Variants in RBFOX1 observed in about 807,000 individuals in gnomAD.
RBFOX1 encodes RNA binding protein fox-1 homolog 1.
RBFOX1 carries 8 observed loss-of-function variants against 57.7 expected under a neutral mutation model. That is an observed-to-expected ratio of 0.14 (90% CI 0.08 to 0.25). The LOEUF (loss-of-function observed/expected upper bound fraction) is 0.25. Ranked by LOEUF, RBFOX1 falls within the 10% of genes least tolerant of loss-of-function variation. The probability of loss-of-function intolerance (pLI) is 1.00; values close to 1 mark genes in which losing one functional copy is unlikely to be tolerated. For missense variants in RBFOX1, 611 were observed against 548.5 expected (o/e 1.11, Z -1.14); for synonymous variants, 326 against 222.4 (o/e 1.47, Z -4.15).
chr16:6,250,469 G>A (rs78542845), intron 1 of RBFOX1, among the ~76,000 whole-genome samples: 1 of 152,130 alleles, frequency 6.6e-6, no homozygotes, highest in Non-Finnish European at 1.5e-5. Context: ...TATGGACCTT[G>A]GGCAGAGCAC....
intron 2 of RBFOX1, among the ~76,000 whole-genome samples, chr16:5,593,063 A>G (rs1055859934): frequency 6.6e-6 from 1 of 152,172 alleles, no homozygotes; most frequent in Non-Finnish European, 1.5e-5. Context: ...CTTGCTTATA[A>G]AACAATAGCA....
chr16:5,525,576 C>T (rs1285564768), intron 2 of RBFOX1, among the ~76,000 whole-genome samples: 2 of 144,666 alleles, frequency 1.4e-5, no homozygotes, highest in African/African-American at 5.2e-5. Flanking sequence ...CAGCTCACTG[C>T]ATTCTCCACC....
At chr16:5,990,458 T>C (rs1229583517) in intron 4 of RBFOX1, among the ~76,000 whole-genome samples, 7 of 152,252 alleles carry the variant, frequency 4.6e-5, no homozygotes, top group Non-Finnish European at 1.0e-4. Flanking sequence ...CCAGCCTCTA[T>C]ACTTAATACC....
chr16:7,351,009 T>G (rs1446140312), intron 4 of RBFOX1, among the ~76,000 whole-genome samples: 1 of 152,232 alleles, frequency 6.6e-6, no homozygotes, highest in African/African-American at 2.4e-5. Flanking sequence ...AAGCAACATA[T>G]GGTGTGCCAT....
At chr16:5,535,709 G>T (rs868375720) in intron 2 of RBFOX1, among the ~76,000 whole-genome samples, 2 of 152,116 alleles carry the variant, frequency 1.3e-5, no homozygotes, top group Admixed American at 6.5e-5. Flanking sequence ...CTTTCATTTT[G>T]TATTTTCTGT....
chr16:6,668,867 A>G (rs2098748135), intron 3 of RBFOX1, among the ~76,000 whole-genome samples: 1 of 152,210 alleles, frequency 6.6e-6, no homozygotes, highest in African/African-American at 2.4e-5. Context: ...TCTGAATTAA[A>G]ATGCATTTAG....
chr16:6,711,273 G>A (rs757955583), intron 3 of RBFOX1, among the ~76,000 whole-genome samples: 1 of 151,994 alleles, frequency 6.6e-6, no homozygotes, highest in Non-Finnish European at 1.5e-5. Flanking sequence ...GTCTCCACAC[G>A]CCCCTCCCCC....
At chr16:7,612,967 C>T (rs1031609635) in intron 10 of RBFOX1, among the ~76,000 whole-genome samples, 1 of 152,134 alleles carries the variant, frequency 6.6e-6, no homozygotes, top group Non-Finnish European at 1.5e-5. Flanking sequence ...GGATGGAGAG[C>T]ACCCCGCCTG....
chr16:5,675,702 C>T (rs1357182425), intron 3 of RBFOX1, among the ~76,000 whole-genome samples: 1 of 152,280 alleles, frequency 6.6e-6, no homozygotes, highest in Non-Finnish European at 1.5e-5. Context: ...TGCTGGAGCC[C>T]ATCTGTCAGG....
At chr16:6,563,049 A>G (rs139459582) in intron 2 of RBFOX1, among the ~76,000 whole-genome samples, 28 of 152,076 alleles carry the variant, frequency 1.8e-4, no homozygotes, top group African/African-American at 6.5e-4. Context: ...TTAGACTCAG[A>G]TGCTGCAGGG....
intron 2 of RBFOX1, among the ~76,000 whole-genome samples, chr16:6,454,463 G>C (rs908592946): frequency 6.6e-6 from 1 of 152,076 alleles, no homozygotes. Flanking sequence ...AGGCTGAGGA[G>C]GGAGGATCAC....
At chr16:6,818,902 A>G (rs540604211) in intron 3 of RBFOX1, among the ~76,000 whole-genome samples, 18 of 152,152 alleles carry the variant, frequency 1.2e-4, no homozygotes, top group African/African-American at 4.3e-4. Context: ...AAGAGACTCG[A>G]TTTCCTCTGG....
At chr16:5,806,843 G>A (rs1035218152) in intron 3 of RBFOX1, among the ~76,000 whole-genome samples, 1 of 152,198 alleles carries the variant, frequency 6.6e-6, no homozygotes, top group African/African-American at 2.4e-5. Flanking sequence ...GTCGTCAGGG[G>A]CTCTTCTTAT....
chr16:6,566,841 G>C (rs2097273619), intron 2 of RBFOX1, among the ~76,000 whole-genome samples: 1 of 152,162 alleles, frequency 6.6e-6, no homozygotes, highest in Admixed American at 6.5e-5. Context: ...TCGAGACACT[G>C]TTTGATATTG....
intron 5 of RBFOX1, among the ~76,000 whole-genome samples, chr16:7,546,894 G>T: frequency 6.6e-6 from 1 of 152,044 alleles, no homozygotes; most frequent in East Asian, 1.9e-4. Context: ...TGTTTCTGTA[G>T]GATAAATTCC....
At chr16:7,348,457 TAAAC>T (rs976342070) in intron 4 of RBFOX1, among the ~76,000 whole-genome samples, 2 of 152,184 alleles carry the variant, frequency 1.3e-5, no homozygotes, top group East Asian at 1.9e-4. Flanking sequence ...GGTGATGTCT[TAAAC>T]AAACACATAT....
chr16:5,841,128 T>A (rs2056611218), intron 3 of RBFOX1, among the ~76,000 whole-genome samples: 1 of 152,180 alleles, frequency 6.6e-6, no homozygotes, highest in Non-Finnish European at 1.5e-5. Flanking sequence ...TTCCTGGCAT[T>A]GCGTCAAACA....
intron 3 of RBFOX1, among the ~76,000 whole-genome samples, chr16:6,818,625 C>A (rs77785934): frequency 0.01 from 1,556 of 152,258 alleles, 30 homozygotes; most frequent in African/African-American, 0.036. Flanking sequence ...CACTCAGCAC[C>A]TGTGATGAAT....
intron 3 of RBFOX1, among the ~76,000 whole-genome samples, chr16:6,938,795 G>T (rs1162214756): frequency 6.6e-6 from 1 of 152,136 alleles, no homozygotes; most frequent in African/African-American, 2.4e-5. Flanking sequence ...AGCTGGGTGT[G>T]GTGGGTTGTG....
Sources: gnomAD v4.1 joint callset for allele counts (sites outside exome capture counted in the v4.1 genomes callset) on GRCh38, gnomAD v4.1.1 for gene constraint, MANE v1.5 for transcripts, NCBI Gene and HGNC (gene_info 2026-07-23, HGNC 2026-07-21) for gene names.